Variants in SMG1 observed in about 807,000 individuals in gnomAD.
SMG1 encodes the protein SMG1 nonsense mediated mRNA decay associated PI3K related kinase.
A neutral mutation model predicts 419.9 loss-of-function variants in SMG1; 22 were observed. That is an observed-to-expected ratio of 0.05 (90% CI 0.04 to 0.07). The LOEUF (loss-of-function observed/expected upper bound fraction) is 0.07, where lower values mean the gene tolerates loss of function less well. Among genes scored for constraint, SMG1 ranks in the 10% least tolerant of loss-of-function variants. The pLI, the probability that SMG1 is intolerant of heterozygous loss-of-function variation, is 1.00. For synonymous variants in SMG1, 1,538 were observed against 1,553.5 expected (o/e 0.99, Z 0.23); for missense variants, 3,185 against 4,342.0 (o/e 0.73, Z 7.49).
At chr16:18,882,399 A>C (rs1158027319) in intron 9 of SMG1, 61 bp from the exon 10 acceptor site, 7 of 977,126 alleles carry the variant, frequency 7.2e-6, no homozygotes, top group South Asian at 2.8e-5. Flanking sequence ...AAAAAAAAAA[A>C]AACTCTAAAA....
chr16:18,838,200 G>A lies in SMG1; in HGVS notation c.7227C>T (p.Thr2409=). ...CAAAGGCCTCCAGCAGCGTCAGCAG[G>A]GTCTCTCTGCCACGCCGCATAATGT... ...VLHIMRRGRE[T]LLTLLEAFVY... The change falls in exon 45 of 63, where the codon ACC becomes ACT. Residue 2409 remains threonine, a synonymous_variant. Coordinates refer to ENST00000446231, the MANE Select transcript of SMG1 (RefSeq NM_015092.5). The A allele has an allele frequency of 6.2e-7, 1 of 1,612,428 alleles. No homozygotes were observed.
Position 18,829,771 on chromosome 16 carries a change from A to C in SMG1, c.9134-16T>G, listed in dbSNP as rs767738055. On this transcript the variant is annotated splice_polypyrimidine_tract_variant and intron_variant, in intron 53 of 62. Transcript: ENST00000446231. ...GAACTTGATCCTACAAAAAGGAAAA[A>C]TTTCTTGTATTTCATGAAAAAAATC... 7.0e-6 allele frequency: 11 copies of C among 1,573,712 alleles called. No individual in the cohort carries two copies. Among genetic ancestry groups the C allele is most frequent in the Non-Finnish European group, 9.5e-6 (11 of 1,158,950 alleles).
intron 50 of SMG1, among the ~76,000 whole-genome samples, 170 bp downstream of exon 50, chr16:18,834,034 G>A (rs971695808): frequency 6.6e-6 from 1 of 152,046 alleles, no homozygotes; most frequent in East Asian, 1.9e-4. Flanking sequence ...AAAAAACAAA[G>A]AGCAACTGTA....
At chr16:18,848,828 T>C (rs1318491985) in intron 36 of SMG1, among the ~76,000 whole-genome samples, 1 of 151,602 alleles carries the variant, frequency 6.6e-6, no homozygotes. Flanking sequence ...ATCCTATCAC[T>C]TTGGGAGGCC....
chr16:18,813,943 A>C (rs1470594861), intron 60 of SMG1, among the ~76,000 whole-genome samples: 1 of 148,684 alleles, frequency 6.7e-6, no homozygotes, highest in Non-Finnish European at 1.5e-5. Context: ...AGGCAGGAGA[A>C]TCCCCTGAAC....
chr16:18,837,771 A>T (rs2033671037), intron 45 of SMG1, among the ~76,000 whole-genome samples: 1 of 152,226 alleles, frequency 6.6e-6, no homozygotes, highest in South Asian at 2.1e-4. Context: ...ATAATTAAGA[A>T]ATATAATTTT....
intron 10 of SMG1, among the ~76,000 whole-genome samples, chr16:18,881,887 A>T (rs1184672772): frequency 2.0e-5 from 3 of 152,160 alleles, no homozygotes; most frequent in Non-Finnish European, 4.4e-5. Flanking sequence ...ATTATAATAA[A>T]TATTATTTAA....
rs961742899 is a variant in SMG1, at chr16:18,872,530, T to C, written c.1985A>G (p.Tyr662Cys). Reference sequence around the variant, plus strand: ...AGAATACAATGTGTAGAGCACAGCATACTGAATGGCAGGGAAGTGAACAGC... The same window carrying C: ...AGAATACAATGTGTAGAGCACAGCACACTGAATGGCAGGGAAGTGAACAGC... ...DLAVHFPAIQ[Y>C]AVLYTLYSHC... The change falls in exon 14 of 63, where the codon TAT becomes TGT. Residue 662 changes from tyrosine (Y) to cysteine (C), a missense_variant. By Grantham distance (194) the Tyr-to-Cys change is radical. Coordinates refer to ENST00000446231, the MANE Select transcript of SMG1 (RefSeq NM_015092.5). 9.7e-6 allele frequency: 15 copies of C among 1,547,216 alleles called. No individual in the cohort carries two copies. Among genetic ancestry groups the C allele is most frequent in the South Asian group, 1.2e-5 (1 of 84,202 alleles).
chr16:18,925,968 C>A lies in SMG1; in HGVS notation c.74G>T (p.Trp25Leu). 1.3e-6 allele frequency: 2 copies of A among 1,573,022 alleles called. No homozygotes were observed. Among genetic ancestry groups the A allele is most frequent in the South Asian group, 1.2e-5 (1 of 86,826 alleles). The change falls in exon 1 of 63, where the codon TGG becomes TTG. Residue 25 changes from tryptophan to leucine, a missense_variant. By Grantham distance (61) the Trp-to-Leu change is moderately conservative. Transcript: ENST00000446231. ...GGGGTKYPRS[W>L]NDWQPRTDSA... ...CACCCACCTGGGTTGCCAGTCATTC[C>A]AGCTCCGCGGATACTTGGTGCCGCC...
At chr16:18,827,663 AT>A (rs1448711887) in intron 55 of SMG1, among the ~76,000 whole-genome samples, 2 of 143,990 alleles carry the variant, frequency 1.4e-5, no homozygotes, top group Non-Finnish European at 1.5e-5. Flanking sequence ...CAAAATATAT[AT>A]TTTTATATAT....
chr16:18,852,573 C>A, intron 31 of SMG1, 111 bp from the exon 32 acceptor site: 1 of 879,252 alleles, frequency 1.1e-6, no homozygotes, highest in South Asian at 2.6e-5. Flanking sequence ...TGCAAGCAAT[C>A]AAAAGTTCCA....
rs1360739870 is a variant in SMG1 at position 18,845,981 on chromosome 16, A to G, written c.5997-330T>C. On this transcript the variant is annotated intron_variant, in intron 38 of 62. Coordinates refer to ENST00000446231, the MANE Select transcript of SMG1 (RefSeq NM_015092.5). ...CACACGCGCGACACCACGCCCAGCT[A>G]ATTTTTTGTATTTTAGTAGAGATGG... Among the ~76,000 whole-genome samples, 42 of 152,066 alleles carry G rather than the reference A, an allele frequency of 2.8e-4. 1 individual carries two copies. The highest frequency in any genetic ancestry group is 2.6e-3 in the Admixed American group (40 of 15,266).
intron 51 of SMG1, among the ~76,000 whole-genome samples, chr16:18,831,987 T>C (rs11649439): frequency 0.29 from 43,567 of 151,860 alleles, 7,492 homozygotes; most frequent in Non-Finnish European, 0.39. Context: ...GTATACTTTC[T>C]GCATTATTAA....
At chr16:18,891,451 T>C (rs552669671) in intron 4 of SMG1, among the ~76,000 whole-genome samples, 7 of 151,980 alleles carry the variant, frequency 4.6e-5, no homozygotes, top group East Asian at 1.9e-4. Context: ...TTTTTTTTTT[T>C]CAAGATGGAG....
At chr16:18,897,509 G>A (rs944776849) in intron 1 of SMG1, among the ~76,000 whole-genome samples, 1 of 152,102 alleles carries the variant, frequency 6.6e-6, no homozygotes, top group Non-Finnish European at 1.5e-5. Flanking sequence ...TAATTGTAAA[G>A]AGTAGCAATC....
intron 1 of SMG1, among the ~76,000 whole-genome samples, chr16:18,897,423 C>T (rs2037175664): frequency 6.6e-6 from 1 of 152,094 alleles, no homozygotes; most frequent in Admixed American, 6.5e-5. Context: ...ATGTCAGGGA[C>T]GGGCAATGTC....
chr16:18,924,970 A>G (rs1234350129), intron 1 of SMG1: 2 of 39,866 alleles, frequency 5.0e-5, no homozygotes, highest in Admixed American at 5.5e-4. Context: ...CTGGACAATT[A>G]TAACAATTGT....
chr16:18,885,455 A>G, intron 7 of SMG1, 86 bp downstream of exon 7: 1 of 1,515,652 alleles, frequency 6.6e-7, no homozygotes, highest in Non-Finnish European at 9.0e-7. Context: ...GAGCTGAGGC[A>G]TTGTTTTCCA....
At chr16:18,831,770 A>ATAT (rs57580914) in intron 51 of SMG1, among the ~76,000 whole-genome samples, 1 of 93,340 alleles carries the variant, frequency 1.1e-5, no homozygotes, top group Non-Finnish European at 2.4e-5. Flanking sequence ...AAAAAAAAAA[A>ATAT]ATACATATAT....
Sources: gnomAD v4.1 joint callset for allele counts (sites outside exome capture counted in the v4.1 genomes callset) on GRCh38, gnomAD v4.1.1 for gene constraint, MANE v1.5 for transcripts, NCBI Gene and HGNC (gene_info 2026-07-23, HGNC 2026-07-21) for gene names.